RASEF: variants seen among roughly 807,000 people sequenced by gnomAD.
RASEF encodes the protein ras and EF-hand domain-containing protein.
In RASEF, 68 loss-of-function variants were observed where a neutral mutation model predicts 90.1. That is an observed-to-expected ratio of 0.75 (90% CI 0.62 to 0.92). The LOEUF is 0.92. Among genes scored for constraint, RASEF ranks in the 40% least tolerant of loss-of-function variants. The probability of loss-of-function intolerance (pLI) is 0.00; values close to 1 mark genes in which losing one functional copy is unlikely to be tolerated. For synonymous variants in RASEF, 331 were observed against 345.2 expected, an observed-to-expected ratio of 0.96 and a Z score of 0.46; for missense variants, 949 against 937.2, an observed-to-expected ratio of 1.01 and a Z score of -0.16.
chr9:83,172,337 C>T, the RASEF span, among the ~76,000 whole-genome samples: 3 of 151,814 alleles, frequency 2.0e-5, no homozygotes, highest in South Asian at 2.1e-4. Context: ...GACTACTCTA[C>T]ATCTTTTAAT....
chr9:83,199,519 G>A, the RASEF span, among the ~76,000 whole-genome samples: 1,533 of 152,188 alleles, frequency 0.01, 22 homozygotes, highest in African/African-American at 0.033. Flanking sequence ...AGAGCATCAG[G>A]GAGTGACACC....
In RASEF at chr9:83,039,698, C is replaced by T. The variant is rs552249577; in HGVS notation, c.432-13777G>A. On this transcript the variant is annotated intron_variant, in intron 1 of 16. Transcript: ENST00000376447. ...CGCACCAGCATGCACCAGTCTTCAG[C>T]GTGCTGCTGCCTTCTTCACTATTTT... Among the ~76,000 whole-genome samples the T allele has an allele frequency of 5.3e-5, 8 of 152,294 alleles. No individual in the cohort carries two copies. The South Asian group carries it at 1.0e-3, about 20-fold the overall frequency.
At chr9:83,174,935 T>C in the RASEF span, among the ~76,000 whole-genome samples, 7 of 152,180 alleles carry the variant, frequency 4.6e-5, no homozygotes, top group Admixed American at 1.3e-4. Flanking sequence ...TGCAAGTTTA[T>C]AGAAATACAA....
At chr9:83,144,275 C>T in the RASEF span, among the ~76,000 whole-genome samples, 2 of 141,802 alleles carry the variant, frequency 1.4e-5, no homozygotes, top group South Asian at 2.3e-4. Context: ...CAAATCTGCA[C>T]ATATATCCCC....
At chr9:83,092,003 C>CTTTTTTT in the RASEF span, among the ~76,000 whole-genome samples, 15 of 35,906 alleles carry the variant, frequency 4.2e-4, no homozygotes, top group African/African-American at 1.4e-3. Flanking sequence ...TCTTTTATTT[C>CTTTTTTT]TTTTTTTTTT....
At chr9:83,157,564 C>G in the RASEF span, among the ~76,000 whole-genome samples, 1 of 152,268 alleles carries the variant, frequency 6.6e-6, no homozygotes, top group South Asian at 2.1e-4. Context: ...GAACTGTGAG[C>G]TAAATAAACT....
intron 13 of RASEF, 36 bp downstream of exon 13, chr9:82,998,329 C>T (rs1281964663): frequency 1.0e-5 from 14 of 1,399,616 alleles, no homozygotes; most frequent in Middle Eastern, 1.8e-4. Flanking sequence ...TTAATGCAAA[C>T]CCAGGATATC....
intron 16 of RASEF, among the ~76,000 whole-genome samples, chr9:82,988,597 T>C (rs1210852889): frequency 6.6e-6 from 1 of 152,120 alleles, no homozygotes; most frequent in Non-Finnish European, 1.5e-5. Context: ...ATGGCATAGC[T>C]CCATCCCTTG....
chr9:83,065,705 C>G (rs1244696291), upstream of RASEF, among the ~76,000 whole-genome samples: 1 of 152,152 alleles, frequency 6.6e-6, no homozygotes. Flanking sequence ...GTCCTAACAT[C>G]CTGTTTATTC....
the RASEF span, among the ~76,000 whole-genome samples, chr9:83,143,419 T>C: frequency 2.0e-5 from 3 of 151,976 alleles, no homozygotes; most frequent in Non-Finnish European, 4.4e-5. Flanking sequence ...GAAAAGGTCA[T>C]GAATAGACAC....
the RASEF span, among the ~76,000 whole-genome samples, chr9:83,199,687 G>A: frequency 3.5e-4 from 54 of 152,308 alleles, no homozygotes; most frequent in Non-Finnish European, 6.6e-4. Flanking sequence ...AACAAAAATG[G>A]ACCATTCTTT....
At chr9:83,128,096 TG>T in the RASEF span, among the ~76,000 whole-genome samples, 1 of 151,352 alleles carries the variant, frequency 6.6e-6, no homozygotes, top group Non-Finnish European at 1.5e-5. Flanking sequence ...CTATAACTTA[TG>T]GGAGGACATA....
intron 1 of RASEF, chr9:83,049,363 T>C (rs1030442806): frequency 1.3e-5 from 13 of 984,638 alleles, no homozygotes; most frequent in Non-Finnish European, 1.6e-5. Flanking sequence ...TCAATGTCCG[T>C]GCGGGACTGG....
intron 1 of RASEF, among the ~76,000 whole-genome samples, chr9:83,045,670 T>C (rs1455870896): frequency 6.6e-6 from 1 of 152,252 alleles, no homozygotes; most frequent in African/African-American, 2.4e-5. Flanking sequence ...GAGCTTCCCA[T>C]GAGTTCTGGA....
At chr9:83,040,039 T>G (rs1266297838) in intron 1 of RASEF, among the ~76,000 whole-genome samples, 1 of 152,100 alleles carries the variant, frequency 6.6e-6, no homozygotes, top group Admixed American at 6.5e-5. Flanking sequence ...TCTCATGAGA[T>G]CTGATGGTTT....
chr9:83,063,851 G>T (rs1038064090), upstream of RASEF, among the ~76,000 whole-genome samples: 7 of 152,112 alleles, frequency 4.6e-5, no homozygotes, highest in Admixed American at 4.6e-4. Flanking sequence ...CTGCTTAATG[G>T]ATATGAGATC....
the RASEF span, among the ~76,000 whole-genome samples, chr9:83,123,219 T>A: frequency 8.0e-6 from 1 of 125,474 alleles, no homozygotes; most frequent in Non-Finnish European, 1.6e-5. Flanking sequence ...TGGCCTGGGC[T>A]ACAGAGCGAG....
the RASEF span, among the ~76,000 whole-genome samples, chr9:83,126,753 C>T: frequency 6.6e-6 from 1 of 152,136 alleles, no homozygotes; most frequent in Non-Finnish European, 1.5e-5. Context: ...ACTATCAGCA[C>T]CAAAGCATCA....
the RASEF span, among the ~76,000 whole-genome samples, chr9:83,202,874 A>C: frequency 1.3e-5 from 2 of 152,204 alleles, no homozygotes; most frequent in African/African-American, 4.8e-5. Flanking sequence ...TGATTTGGCC[A>C]TTCTACTGGT....
Sources: allele counts gnomAD v4.1 joint callset (sites outside exome capture counted in the v4.1 genomes callset), GRCh38; gene constraint gnomAD v4.1.1; transcripts MANE v1.5; gene names NCBI Gene and HGNC (gene_info 2026-07-23, HGNC 2026-07-21).